PDCD11: variants seen among roughly 807,000 people sequenced by gnomAD.
The protein encoded by PDCD11 is protein RRP5 homolog.
PDCD11 carries 97 observed loss-of-function variants against 198.9 expected under a neutral mutation model. The observed-to-expected ratio is 0.49, with a 90% CI of 0.41 to 0.58. The LOEUF is 0.58. PDCD11 is among the 20% of genes least tolerant of loss of function. PDCD11 has a pLI of 0.00. For missense variants in PDCD11, 2,102 were observed against 2,312.7 expected, an observed-to-expected ratio of 0.91 and a Z score of 1.87; for synonymous variants, 893 against 918.0, an observed-to-expected ratio of 0.97 and a Z score of 0.49.
Position 103,425,090 on chromosome 10 carries a change from C to T in PDCD11, c.2870C>T (p.Ser957Phe). The change falls in exon 20 of 36, where the codon TCT becomes TTT. Residue 957 changes from serine (S) to phenylalanine (F), a missense_variant. Ser to Phe is a radical substitution (Grantham distance 155). Transcript: ENST00000369797. The stretch of plus-strand genomic sequence containing the variant: ...CACCTGGCAGCTTTCTCCCTGACCT[C>T]TCACCTCAACGACACCTTCCGCTTT... ...TGHLAAFSLT[S>F]HLNDTFRFDS... is the part of the protein sequence containing the mutation. The T allele has an allele frequency of 3.7e-6, 6 of 1,614,254 alleles. No individual in the cohort carries two copies. The highest frequency in any genetic ancestry group is 5.1e-6 in the Non-Finnish European group (6 of 1,180,042).
rs186307052 is a variant in PDCD11 at position 103,410,073 on chromosome 10, A to G, written c.978+267A>G. Reference sequence around the variant, plus strand: ...AACATGGTGAAACCCCGTCTCTACTAAAAATACAAAAATTAGCCAGGCGTG... The same window carrying G: ...AACATGGTGAAACCCCGTCTCTACTGAAAATACAAAAATTAGCCAGGCGTG... On this transcript the variant is annotated intron_variant, in intron 8 of 35. Transcript: ENST00000369797. Among the ~76,000 whole-genome samples the G allele has an allele frequency of 4.1e-4, 62 of 152,276 alleles. 3 individuals are homozygous for G. The East Asian group carries it at 9.5e-3, about 23-fold the overall frequency.
intron 33 of PDCD11, 23 bp downstream of exon 33, chr10:103,443,356 A>G: frequency 6.3e-7 from 1 of 1,580,816 alleles, no homozygotes; most frequent in Non-Finnish European, 8.6e-7. Flanking sequence ...GCCACAGACG[A>G]ACTCCTGGGA....
At chr10:103,404,050 A>T (rs2030286165) in intron 4 of PDCD11, among the ~76,000 whole-genome samples, 1 of 152,134 alleles carries the variant, frequency 6.6e-6, no homozygotes, top group African/African-American at 2.4e-5. Flanking sequence ...GTGCAGTGGC[A>T]TGATCTCAGC....
At chr10:103,433,871 G>T (rs963692508) in intron 22 of PDCD11, 77 bp from the exon 23 acceptor site, 2 of 1,120,252 alleles carry the variant, frequency 1.8e-6, no homozygotes, top group East Asian at 4.7e-5. Context: ...TTTCCACCTT[G>T]TGGTTTTAGG....
intron 35 of PDCD11, among the ~76,000 whole-genome samples, chr10:103,445,149 C>CT (rs2032551073): frequency 6.6e-6 from 1 of 152,184 alleles, no homozygotes; most frequent in South Asian, 2.1e-4. Flanking sequence ...AGGGAAGTCC[C>CT]TTACCATCTC....
At position 103,406,712 on chromosome 10, in the gene PDCD11, G is replaced by T. The variant is rs1412060312; in HGVS notation, c.792G>T (p.Thr264=). 3 of 1,614,120 alleles carry T rather than the reference G, an allele frequency of 1.9e-6. No homozygotes were observed. The East Asian group carries it at 6.7e-5, about 36-fold the overall frequency. Residue 264 remains threonine (T), a synonymous_variant, in exon 7 of 36, where the codon ACG becomes ACT. Coordinates refer to ENST00000369797, the MANE Select transcript of PDCD11 (RefSeq NM_014976.2). ...CTGTTGGTCACTCAGAGGTTTCTAC[G>T]GCCATTGCTACTGAACAGCAGAGCT... ...SLSVGHSEVS[T]AIATEQQSWN...
chr10:103,443,461 A>G lies in PDCD11; in HGVS notation c.5124+128A>G, dbSNP rs558975687. ...CCAACATCGGGGCCCCAACTTCCCT[A>G]TCTTCCAAGTAAAAGAAGTCATTTC... On this transcript the variant is annotated intron_variant, in intron 33 of 35. Coordinates refer to ENST00000369797, the MANE Select transcript of PDCD11 (RefSeq NM_014976.2). The G allele has an allele frequency of 7.5e-6, 5 of 669,580 alleles. No homozygotes were observed. In the East Asian group the frequency reaches 8.6e-5, roughly 12 times the overall value. The allele number at this position is 669,580 out of a possible 1,614,324, so 41.5% of individuals were successfully genotyped here. A position where few individuals can be genotyped will look rare whatever the true frequency, so the allele number is the denominator to read the frequency against.
chr10:103,425,522 T>G lies in PDCD11; in HGVS notation c.3302T>G (p.Phe1101Cys). 6.2e-7 allele frequency: 1 copy of G among 1,604,748 alleles called. No individual in the cohort carries two copies. The highest frequency in any genetic ancestry group is 1.7e-4 in the Middle Eastern group (1 of 6,034). The stretch of plus-strand genomic sequence containing the variant: ...ATTGGCGGGCGAGACATGAAGACAT[T>G]CAAGTATGGAGGCTCTGGGGGTGGG... ...RVIGGRDMKT[F>C]KYLPISHPRF... Residue 1101 changes from phenylalanine (F) to cysteine (C), a missense_variant, in exon 20 of 36, where the codon TTC becomes TGC. Coordinates refer to ENST00000369797, the MANE Select transcript of PDCD11 (RefSeq NM_014976.2).
At chr10:103,442,550 C>A in intron 32 of PDCD11, 90 bp downstream of exon 32, 1 of 1,476,972 alleles carries the variant, frequency 6.8e-7, no homozygotes, top group Non-Finnish European at 9.1e-7. Flanking sequence ...CCTAGGCAGG[C>A]CGGCAGCATT....
In PDCD11 at chr10:103,421,582, G is replaced by C; in HGVS notation, c.2497+15G>C. On this transcript the variant is annotated intron_variant, in intron 17 of 35. Transcript: ENST00000369797. ...GAGCAACCGAGGTGGGGCACCTGTG[G>C]GGCAGGGGAGGTGGGCCAGGGGTGG... 1 of 1,544,166 alleles carries C rather than the reference G, an allele frequency of 6.5e-7. No individual in the cohort carries two copies. Among genetic ancestry groups the C allele is most frequent in the Non-Finnish European group, 8.8e-7 (1 of 1,140,956 alleles).
intron 21 of PDCD11, among the ~76,000 whole-genome samples, chr10:103,431,916 A>T (rs2031950315): frequency 6.6e-6 from 1 of 152,262 alleles, no homozygotes; most frequent in Admixed American, 6.5e-5. Context: ...CTTTAAAAGC[A>T]GCTTGTTCAT....
In PDCD11 at chr10:103,444,011, G is replaced by A; in HGVS notation, c.5221G>A (p.Ala1741Thr). ...CGCCTTCCTTCTGCGGAGGAGCCAG[G>A]CTGCAGCCAGTCACCGCGTGCTGCA... Reference protein sequence around the residue: ...YGAFLLRRSQAAASHRVLQRA... With the variant: ...YGAFLLRRSQTAASHRVLQRA... Residue 1741 changes from alanine to threonine, a missense_variant, in exon 34 of 36, where the codon GCT (alanine) becomes ACT (threonine). Physicochemically the swap from Ala to Thr is moderately conservative, Grantham distance 58. Transcript: ENST00000369797. 1 of 1,613,202 alleles carries A rather than the reference G, an allele frequency of 6.2e-7. No homozygotes were observed. The highest frequency in any genetic ancestry group is 2.2e-5 in the East Asian group (1 of 44,884).
At chr10:103,443,405 G>T (rs565490857) in intron 33 of PDCD11, 72 bp downstream of exon 33, 14 of 1,390,982 alleles carry the variant, frequency 1.0e-5, no homozygotes, top group Admixed American at 2.2e-5. Flanking sequence ...CCCCTGGGGT[G>T]CTGGGTCCAG....
intron 11 of PDCD11, among the ~76,000 whole-genome samples, 173 bp from the exon 12 acceptor site, chr10:103,414,832 G>A (rs1486736044): frequency 6.6e-6 from 1 of 152,232 alleles, no homozygotes; most frequent in Non-Finnish European, 1.5e-5. Flanking sequence ...AAAGCTGACA[G>A]AATAATCCAG....
chr10:103,418,504 A>G lies in PDCD11; in HGVS notation c.1976A>G (p.Asn659Ser). The change falls in exon 15 of 36, where the codon AAC becomes AGC. Residue 659 changes from asparagine to serine, a missense_variant. Asn to Ser is a conservative substitution (Grantham distance 46, BLOSUM62 1). Coordinates refer to ENST00000369797, the MANE Select transcript of PDCD11 (RefSeq NM_014976.2). Reference sequence around the variant, plus strand: ...CTGGAGGTGGCTGTCCTGCCCCACAACATCCGTGCTTTCCTCCCCACATCT... The same window carrying G: ...CTGGAGGTGGCTGTCCTGCCCCACAGCATCCGTGCTTTCCTCCCCACATCT... ...DGLEVAVLPH[N>S]IRAFLPTSHL... 1.2e-6 allele frequency: 2 copies of G among 1,614,130 alleles called. No individual in the cohort carries two copies. Among genetic ancestry groups the G allele is most frequent in the Non-Finnish European group, 1.7e-6 (2 of 1,180,006 alleles).
chr10:103,422,391 GTTA>G (rs1244753061), intron 17 of PDCD11, among the ~76,000 whole-genome samples: 1 of 151,564 alleles, frequency 6.6e-6, no homozygotes, highest in African/African-American at 2.4e-5. Flanking sequence ...AAAGTGCACA[GTTA>G]TTATGTGTGC....
intron 11 of PDCD11, 118 bp from the exon 12 acceptor site, chr10:103,414,887 C>A: frequency 1.0e-6 from 1 of 982,392 alleles, no homozygotes; most frequent in Non-Finnish European, 1.6e-6. Flanking sequence ...TCTGGAATAA[C>A]AGGCACAGTT....
chr10:103,398,992 C>T lies in PDCD11; in HGVS notation c.102+464C>T, dbSNP rs778252152. On this transcript the variant is annotated intron_variant, in intron 2 of 35. Transcript: ENST00000369797. ...TTGTGCCACTGCTCTCCTGCCTGGG[C>T]GACAGAGTGAGACTCTGTCTCAAAA... Among the ~76,000 whole-genome samples, 25 of 151,998 alleles carry T rather than the reference C, an allele frequency of 1.6e-4. No homozygotes were observed. In the Middle Eastern group the frequency reaches 0.014, roughly 83 times the overall value.
chr10:103,409,291 A>G (rs1188378824), intron 7 of PDCD11, among the ~76,000 whole-genome samples: 3 of 150,680 alleles, frequency 2.0e-5, no homozygotes, highest in East Asian at 1.9e-4. Flanking sequence ...GCTTGTGGTC[A>G]GTATCTCCCT....
Sources: gnomAD v4.1 joint callset for allele counts (sites outside exome capture counted in the v4.1 genomes callset) on GRCh38, gnomAD v4.1.1 for gene constraint, MANE v1.5 for transcripts, NCBI Gene and HGNC (gene_info 2026-07-23, HGNC 2026-07-21) for gene names.